Variants in OSBPL10 observed in about 807,000 individuals in gnomAD.
OSBPL10 encodes oxysterol binding protein like 10.
A neutral mutation model predicts 81.7 loss-of-function variants in OSBPL10; 49 were observed. The observed-to-expected ratio is 0.60, with a 90% confidence interval of 0.48 to 0.76. The LOEUF (loss-of-function observed/expected upper bound fraction) is 0.76. Ranked by LOEUF, OSBPL10 falls within the 30% of genes least tolerant of loss-of-function variation. The pLI is 0.00. For synonymous variants in OSBPL10, 419 were observed against 383.6 expected (o/e 1.09, Z -1.08); for missense variants, 923 against 987.8 (o/e 0.93, Z 0.88).
At chr3:31,696,340 T>C (rs1695719978) in intron 7 of OSBPL10, among the ~76,000 whole-genome samples, 1 of 152,240 alleles carries the variant, frequency 6.6e-6, no homozygotes, top group Non-Finnish European at 1.5e-5. Flanking sequence ...CAAATCTCCC[T>C]TAATTTCAGA....
chr3:31,924,238 G>GAAT (rs1697004319), intron 1 of OSBPL10, among the ~76,000 whole-genome samples: 1 of 149,216 alleles, frequency 6.7e-6, no homozygotes, highest in Non-Finnish European at 1.5e-5. Context: ...AAGAAAGAAA[G>GAAT]AAAAGAAAAA....
chr3:31,898,308 TGA>T (rs1009776553), intron 1 of OSBPL10, among the ~76,000 whole-genome samples: 1 of 152,116 alleles, frequency 6.6e-6, no homozygotes, highest in African/African-American at 2.4e-5. Context: ...ATAAGTGAGG[TGA>T]GAGATATGTT....
At chr3:31,815,882 G>A (rs1395472576) in intron 4 of OSBPL10, among the ~76,000 whole-genome samples, 3 of 152,154 alleles carry the variant, frequency 2.0e-5, no homozygotes, top group African/African-American at 7.2e-5. Flanking sequence ...TAGGGCACTT[G>A]TCGGAAGGCT....
chr3:31,996,743 C>T (rs938578398), intron 2 of OSBPL10, among the ~76,000 whole-genome samples: 2 of 151,754 alleles, frequency 1.3e-5, no homozygotes, highest in Non-Finnish European at 2.9e-5. Flanking sequence ...AAGCAAAAGC[C>T]GAAAAACCAG....
chr3:31,757,880 C>T (rs1341663348), intron 4 of OSBPL10, among the ~76,000 whole-genome samples: 1 of 152,144 alleles, frequency 6.6e-6, no homozygotes, highest in African/African-American at 2.4e-5. Context: ...TAAAATATGC[C>T]TCTTTGGCAT....
intron 6 of OSBPL10, chr3:31,721,603 G>A (rs1007976385): frequency 6.6e-5 from 10 of 152,152 alleles, no homozygotes; most frequent in African/African-American, 2.4e-4. Context: ...ATTAGTGGAG[G>A]TCCTTTGTAA....
At chr3:31,866,239 A>ATT (rs1701176621) in intron 3 of OSBPL10, among the ~76,000 whole-genome samples, 1 of 151,940 alleles carries the variant, frequency 6.6e-6, no homozygotes, top group East Asian at 1.9e-4. Flanking sequence ...CAACAAACAA[A>ATT]CCCTTTAATT....
chr3:31,850,911 G>A (rs771820516), intron 3 of OSBPL10, among the ~76,000 whole-genome samples: 2 of 152,156 alleles, frequency 1.3e-5, no homozygotes, highest in Non-Finnish European at 2.9e-5. Flanking sequence ...AAGAATACTC[G>A]AGTTTCTTCC....
intron 8 of OSBPL10, among the ~76,000 whole-genome samples, chr3:31,675,711 T>C (rs910536029): frequency 3.3e-5 from 5 of 152,076 alleles, no homozygotes; most frequent in African/African-American, 9.7e-5. Flanking sequence ...TTTGGGAGGC[T>C]GAGGCGGGTG....
chr3:31,943,109 G>C (rs543383938), intron 1 of OSBPL10, among the ~76,000 whole-genome samples: 2 of 152,232 alleles, frequency 1.3e-5, no homozygotes, highest in Admixed American at 6.5e-5. Context: ...TACAATATTT[G>C]TCCTTTTGTA....
chr3:31,734,964 A>G (rs1234966644), intron 5 of OSBPL10, among the ~76,000 whole-genome samples: 1 of 152,228 alleles, frequency 6.6e-6, no homozygotes, highest in Non-Finnish European at 1.5e-5. Context: ...GGTATCCCAA[A>G]CATTCCTGAC....
At chr3:31,926,295 C>CCCCCCCG (rs1265122937) in intron 1 of OSBPL10, among the ~76,000 whole-genome samples, 1 of 148,910 alleles carries the variant, frequency 6.7e-6, no homozygotes, top group Non-Finnish European at 1.5e-5. Context: ...TTTTGCCCCC[C>CCCCCCCG]CAGAGGATAG....
At chr3:31,874,743 G>A (rs543163083) in intron 3 of OSBPL10, among the ~76,000 whole-genome samples, 13 of 152,244 alleles carry the variant, frequency 8.5e-5, no homozygotes, top group African/African-American at 2.6e-4. Flanking sequence ...AACTCTTACA[G>A]AACTGGTGGG....
intron 2 of OSBPL10, among the ~76,000 whole-genome samples, chr3:32,008,122 CG>C (rs767720678): frequency 2.6e-5 from 4 of 151,534 alleles, no homozygotes; most frequent in Non-Finnish European, 5.9e-5. Flanking sequence ...CAGCCTATTA[CG>C]GGAATGATTT....
chr3:31,769,120 G>A (rs1698282784), intron 4 of OSBPL10, among the ~76,000 whole-genome samples: 1 of 152,078 alleles, frequency 6.6e-6, no homozygotes, highest in Admixed American at 6.6e-5. Flanking sequence ...AATGAACAGA[G>A]GAGACAAAAC....
chr3:31,716,043 G>C (rs1696422563), intron 6 of OSBPL10, among the ~76,000 whole-genome samples: 1 of 152,154 alleles, frequency 6.6e-6, no homozygotes, highest in Admixed American at 6.5e-5. Context: ...GTGGCAGCGG[G>C]AAAGGCTCTA....
At chr3:32,007,997 G>A (rs558636979) in intron 2 of OSBPL10, among the ~76,000 whole-genome samples, 2 of 151,990 alleles carry the variant, frequency 1.3e-5, no homozygotes, top group African/African-American at 2.4e-5. Context: ...GAGCCACTGC[G>A]CCCAGCCTCA....
At chr3:31,759,422 A>G (rs1350677463) in intron 4 of OSBPL10, among the ~76,000 whole-genome samples, 1 of 152,158 alleles carries the variant, frequency 6.6e-6, no homozygotes, top group Non-Finnish European at 1.5e-5. Context: ...AGGCTACTCT[A>G]TGTTTTGTTT....
At chr3:31,747,807 A>G in intron 5 of OSBPL10, 103 bp downstream of exon 5, 1 of 1,206,076 alleles carries the variant, frequency 8.3e-7, no homozygotes, top group Non-Finnish European at 1.2e-6. Flanking sequence ...GGATAGATGG[A>G]TGGATCGTAG....
Sources: allele counts gnomAD v4.1 joint callset (sites outside exome capture counted in the v4.1 genomes callset), GRCh38; gene constraint gnomAD v4.1.1; transcripts MANE v1.5; gene names NCBI Gene and HGNC (gene_info 2026-07-23, HGNC 2026-07-21).